The following SLC25A26 variants were observed in gnomAD, a reference collection of about 807,000 sequenced individuals.
SLC25A26 encodes the protein solute carrier family 25 member 26, also known as mitochondrial S-adenosylmethionine carrier protein.
SLC25A26 carries 36 observed loss-of-function variants against 37.8 expected under a neutral mutation model. That is an observed-to-expected ratio of 0.95 (90% CI 0.73 to 1.26). The LOEUF (loss-of-function observed/expected upper bound fraction) is 1.26, where lower values mean the gene tolerates loss of function less well. Among genes scored for constraint, SLC25A26 ranks in the 50% most tolerant of loss-of-function variants. The probability of loss-of-function intolerance (pLI) is 0.00; values close to 1 mark genes in which losing one functional copy is unlikely to be tolerated. For synonymous variants in SLC25A26, 129 were observed against 122.5 expected (o/e 1.05, Z -0.35); for missense variants, 390 against 331.1 (o/e 1.18, Z -1.38).
At chr3:66,205,724 C>G (rs1410879874) in intron 1 of SLC25A26, among the ~76,000 whole-genome samples, 2 of 152,130 alleles carry the variant, frequency 1.3e-5, no homozygotes, top group African/African-American at 4.8e-5. Context: ...CCCCTTGACC[C>G]TGTGGAAGAA....
chr3:66,175,126 TATATATATATATATACAC>T (rs1369912002), intron 1 of SLC25A26, among the ~76,000 whole-genome samples: 7 of 92,012 alleles, frequency 7.6e-5, no homozygotes, highest in South Asian at 3.4e-4. Context: ...TATATATATA[TATATATATATATATACAC>T]ACACACACAC....
At chr3:66,318,315 A>G (rs1246474964) in intron 5 of SLC25A26, among the ~76,000 whole-genome samples, 1 of 152,136 alleles carries the variant, frequency 6.6e-6, no homozygotes, top group Non-Finnish European at 1.5e-5. Context: ...TGGGCTCATG[A>G]GGGGGACCTG....
intron 1 of SLC25A26, among the ~76,000 whole-genome samples, chr3:66,135,516 T>C (rs2069933619): frequency 6.6e-6 from 1 of 152,196 alleles, no homozygotes. Flanking sequence ...GCCTGTATTC[T>C]AAGCACTTTG....
intron 5 of SLC25A26, among the ~76,000 whole-genome samples, chr3:66,319,278 A>C (rs920063717): frequency 1.3e-5 from 2 of 152,082 alleles, no homozygotes; most frequent in Non-Finnish European, 2.9e-5. Flanking sequence ...AACGTACCCA[A>C]AGTATTGAAA....
chr3:66,237,961 C>CT lies in SLC25A26; in HGVS notation c.190+1268dup, dbSNP rs571706529. Among the ~76,000 whole-genome samples, 11 of 152,246 alleles carry CT rather than the reference C, an allele frequency of 7.2e-5. No individual in the cohort carries two copies. The South Asian group carries it at 2.3e-3, about 32-fold the overall frequency. ...AAAGAGAAAAACAGTATTTCTGTTT[C>CT]TTTTTTTCTCCTGCCCTTCCCCATC... On this transcript the variant is annotated intron_variant, in intron 2 of 9. Coordinates refer to ENST00000354883, the MANE Select transcript of SLC25A26 (RefSeq NM_001379210.1).
At chr3:66,222,989 A>G (rs559190227) in intron 1 of SLC25A26, among the ~76,000 whole-genome samples, 77 of 152,324 alleles carry the variant, frequency 5.1e-4, no homozygotes, top group African/African-American at 1.8e-3. Flanking sequence ...AAGGAAAAAC[A>G]TTTTATTTAT....
chr3:66,299,820 T>C (rs753535240), intron 5 of SLC25A26, among the ~76,000 whole-genome samples: 9 of 152,206 alleles, frequency 5.9e-5, no homozygotes, highest in Non-Finnish European at 1.3e-4. Flanking sequence ...TGCGGGTAGT[T>C]TTTGAAAAAG....
intron 5 of SLC25A26, among the ~76,000 whole-genome samples, chr3:66,346,059 G>C (rs944938519): frequency 2.0e-5 from 3 of 152,156 alleles, no homozygotes; most frequent in East Asian, 1.9e-4. Flanking sequence ...GCTGGGTGTG[G>C]TGGCGTGTGC....
intron 5 of SLC25A26, among the ~76,000 whole-genome samples, chr3:66,294,447 A>G (rs764316498): frequency 6.6e-6 from 1 of 152,122 alleles, no homozygotes; most frequent in Non-Finnish European, 1.5e-5. Flanking sequence ...TAGATATATG[A>G]TCATGTCATT....
At chr3:66,376,190 T>C (rs1700640952) in intron 9 of SLC25A26, among the ~76,000 whole-genome samples, 1 of 151,934 alleles carries the variant, frequency 6.6e-6, no homozygotes, top group Non-Finnish European at 1.5e-5. Context: ...AGTGATCTAT[T>C]GAGATGAATC....
intron 5 of SLC25A26, among the ~76,000 whole-genome samples, chr3:66,302,960 G>A (rs753203723): frequency 6.6e-6 from 1 of 152,150 alleles, no homozygotes; most frequent in Non-Finnish European, 1.5e-5. Context: ...TTAAGGGGCT[G>A]TGGATTGTGT....
At chr3:66,150,008 G>A (rs2070176176) in intron 1 of SLC25A26, among the ~76,000 whole-genome samples, 1 of 152,086 alleles carries the variant, frequency 6.6e-6, no homozygotes, top group Non-Finnish European at 1.5e-5. Flanking sequence ...TTTATTCTGT[G>A]ACCAAACGTG....
intron 3 of SLC25A26, among the ~76,000 whole-genome samples, chr3:66,260,926 A>T (rs1057219656): frequency 3.9e-5 from 6 of 152,226 alleles, no homozygotes; most frequent in Non-Finnish European, 8.8e-5. Flanking sequence ...TTGCCTTAGA[A>T]CCATTTAATT....
chr3:66,295,131 A>T (rs977493173), intron 5 of SLC25A26, among the ~76,000 whole-genome samples: 19 of 152,068 alleles, frequency 1.2e-4, no homozygotes, highest in African/African-American at 4.1e-4. Context: ...AGAGGATGTT[A>T]AACAGGCATC....
chr3:66,308,299 G>A (rs979524906), intron 5 of SLC25A26, among the ~76,000 whole-genome samples: 9 of 152,164 alleles, frequency 5.9e-5, no homozygotes, highest in East Asian at 1.9e-4. Flanking sequence ...TTGGCTCTCT[G>A]ATTGTCTGTT....
chr3:66,292,713 G>C (rs1417544361), intron 5 of SLC25A26, among the ~76,000 whole-genome samples: 2 of 152,100 alleles, frequency 1.3e-5, no homozygotes, highest in East Asian at 3.9e-4. Context: ...TTTCTCTCTG[G>C]CTGCCCTTAA....
At chr3:66,330,261 T>G (rs2075939747) in intron 5 of SLC25A26, among the ~76,000 whole-genome samples, 1 of 152,048 alleles carries the variant, frequency 6.6e-6, no homozygotes, top group Non-Finnish European at 1.5e-5. Context: ...GGGAGGAAGA[T>G]TAGAAGTTGA....
chr3:66,312,752 G>T (rs1351254324), intron 5 of SLC25A26, among the ~76,000 whole-genome samples: 1 of 152,114 alleles, frequency 6.6e-6, no homozygotes, highest in East Asian at 1.9e-4. Context: ...GTTTAGGGGA[G>T]GTAGTTCCCT....
chr3:66,375,333 T>C (rs1230676666), intron 9 of SLC25A26, among the ~76,000 whole-genome samples: 1 of 152,220 alleles, frequency 6.6e-6, no homozygotes, highest in Non-Finnish European at 1.5e-5. Flanking sequence ...CAGATCTAGC[T>C]AAGATCATCG....
Sources: allele counts gnomAD v4.1 joint callset (sites outside exome capture counted in the v4.1 genomes callset), GRCh38; gene constraint gnomAD v4.1.1; transcripts MANE v1.5; gene names NCBI Gene and HGNC (gene_info 2026-07-23, HGNC 2026-07-21).